The following ANKRD23 variants were observed in gnomAD, a reference collection of about 807,000 sequenced individuals.
ANKRD23 encodes the protein ankyrin repeat domain 23, also known as ankyrin repeat domain-containing protein 23.
A neutral mutation model predicts 38.1 loss-of-function variants in ANKRD23; 52 were observed. The observed-to-expected ratio is 1.36, with a 90% CI of 1.09 to 1.72. ANKRD23 has a LOEUF of 1.72. Ranked by LOEUF, ANKRD23 falls within the 40% of genes most tolerant of loss-of-function variation. The pLI is 0.00. For missense variants in ANKRD23, 416 were observed against 400.2 expected (o/e 1.04, Z -0.34); for synonymous variants, 167 against 162.9 (o/e 1.03, Z -0.19).
intron 4 of ANKRD23, 76 bp from the exon 5 acceptor site, chr2:96,840,590 G>C (rs1480072906): frequency 2.6e-5 from 40 of 1,552,956 alleles, no homozygotes; most frequent in Non-Finnish European, 3.2e-5. Flanking sequence ...CCTTCCCAGG[G>C]CCAGGTCCCT....
intron 3 of ANKRD23, among the ~76,000 whole-genome samples, chr2:96,841,492 G>A (rs1281700975): frequency 2.0e-5 from 3 of 151,490 alleles, no homozygotes; most frequent in East Asian, 1.9e-4. Context: ...CCAGCTACTC[G>A]GGAGGCTGAG....
chr2:96,840,573 G>T, intron 4 of ANKRD23, 59 bp from the exon 5 acceptor site: 1 of 1,580,902 alleles, frequency 6.3e-7, no homozygotes, highest in East Asian at 2.3e-5. Context: ...GAGACCCCAC[G>T]CGGTCCCCTT....
In ANKRD23 at chr2:96,841,917, G is replaced by A. The variant is rs988488017; in HGVS notation, c.300+143C>T. 64 of 1,216,508 alleles carry A rather than the reference G, an allele frequency of 5.3e-5. No homozygotes were observed. The East Asian group carries it at 6.1e-4, about 12-fold the overall frequency. 75.4% of individuals were successfully genotyped at this position (1,216,508 alleles called of 1,614,324 possible). A position where few individuals can be genotyped will look rare whatever the true frequency, so the allele number is the denominator to read the frequency against. On this transcript the variant is annotated intron_variant, in intron 3 of 8. Transcript: ENST00000318357. ...TATGGCAGCCCTGGCGGACACATCC[G>A]CGGGGGCTCTGGAGTGGATTTAATG...
chr2:96,839,956 T>C (rs548106108), intron 7 of ANKRD23, 41 bp downstream of exon 7: 116 of 1,550,652 alleles, frequency 7.5e-5, no homozygotes, highest in Non-Finnish European at 9.3e-5. Context: ...CCTGCTCCTC[T>C]GGAGCTGTCC....
rs2079737060 is a variant in ANKRD23, at chr2:96,839,777, C to T, written c.772G>A (p.Ala258Thr). Residue 258 changes from alanine to threonine, a missense_variant, in exon 8 of 9, where the codon GCC becomes ACC. Coordinates refer to ENST00000318357, the MANE Select transcript of ANKRD23 (RefSeq NM_144994.8). ...CCATAGAGCAGCAGTAGCTTCATGG[C>T]TTTGTAGCTGCCGTGCCGCACGGCC... ...HEAVRHGSYK[A>T]MKLLLLYGAE... is the part of the protein sequence containing the mutation. 1 of 1,613,378 alleles carries T rather than the reference C, an allele frequency of 6.2e-7. No individual in the cohort carries two copies. The highest frequency in any genetic ancestry group is 1.3e-5 in the African/African-American group (1 of 74,936).
chr2:96,840,573 G>C, intron 4 of ANKRD23, 59 bp from the exon 5 acceptor site: 1 of 1,580,902 alleles, frequency 6.3e-7, no homozygotes, highest in Non-Finnish European at 8.7e-7. Flanking sequence ...GAGACCCCAC[G>C]CGGTCCCCTT....
At chr2:96,842,336 C>G in intron 2 of ANKRD23, 29 bp downstream of exon 2, 1 of 1,599,396 alleles carries the variant, frequency 6.3e-7, no homozygotes, top group African/African-American at 1.4e-5. Context: ...AGCCACTGCC[C>G]CCAACCCCGG....
intron 8 of ANKRD23, 38 bp downstream of exon 8, chr2:96,839,689 G>A (rs772606680): frequency 1.3e-6 from 2 of 1,595,940 alleles, no homozygotes; most frequent in South Asian, 1.1e-5. Flanking sequence ...CGCTCCACCC[G>A]CCCTCGGGTC....
chr2:96,838,513 C>T lies in ANKRD23; in HGVS notation c.*1036G>A. 2.0e-6 allele frequency: 2 copies of T among 985,998 alleles called. No individual in the cohort carries two copies. Among genetic ancestry groups the T allele is most frequent in the Non-Finnish European group, 2.4e-6 (2 of 830,222 alleles). 61.1% of individuals were successfully genotyped at this position (985,998 alleles called of 1,614,324 possible). On this transcript the variant is annotated 3_prime_UTR_variant, in exon 9 of 9. Transcript: ENST00000318357. ...CGGGGGCTCACCTTCCTCTGCTTCCCTGTGGGCTGGGTTCAGAGCTCCTCA... is the reference window on the plus strand; with the variant it reads ...CGGGGGCTCACCTTCCTCTGCTTCCTTGTGGGCTGGGTTCAGAGCTCCTCA...
chr2:96,840,346 AC>A lies in ANKRD23; in HGVS notation c.526-17del, dbSNP rs750012079. The A allele has an allele frequency of 1.4e-5, 22 of 1,606,388 alleles. 1 individual carries two copies. The South Asian group carries it at 2.3e-4, about 17-fold the overall frequency. On this transcript the variant is annotated splice_polypyrimidine_tract_variant and intron_variant, in intron 5 of 8. Transcript: ENST00000318357. Reference sequence around the variant, plus strand: ...TCCTGTCCAGCTGCAAAACAAAAGCACCCAAGCACTCAGCTGCTGGGATGTG... The same window carrying A: ...TCCTGTCCAGCTGCAAAACAAAAGCACCAAGCACTCAGCTGCTGGGATGTG...
rs1358635484 is a variant in ANKRD23 at position 96,838,827 on chromosome 2, T to C, written c.*722A>G. 3 of 985,400 alleles carry C rather than the reference T, an allele frequency of 3.0e-6. No individual in the cohort carries two copies. Among genetic ancestry groups the C allele is most frequent in the Admixed American group, 1.2e-4 (2 of 16,270 alleles). The allele number at this position is 985,400 out of a possible 1,614,324, so 61.0% of individuals were successfully genotyped here. On this transcript the variant is annotated 3_prime_UTR_variant, in exon 9 of 9. Transcript: ENST00000318357. ...AATGCGCGCTCCAGCTCATCAGTCTTAGGGCTTCTGAGGCAACCTAGTGGG... is the reference window on the plus strand; with the variant it reads ...AATGCGCGCTCCAGCTCATCAGTCTCAGGGCTTCTGAGGCAACCTAGTGGG...
At position 96,842,377 on chromosome 2, in the gene ANKRD23, C is replaced by T. The variant is rs201015005; in HGVS notation, c.162G>A (p.Glu54=). Reference sequence around the variant, plus strand: ...GCCCCTCTCTCACTTTCTTCTTCTTCTCTTCTTCCAATTTCAGCTTCTCCC... The same window carrying T: ...GCCCCTCTCTCACTTTCTTCTTCTTTTCTTCTTCCAATTTCAGCTTCTCCC... The part of the protein sequence containing the change: ...VAREKLKLEE[E]KKKKLERFNS... Residue 54 remains glutamate, a synonymous_variant, in exon 2 of 9, where the codon GAG becomes GAA. Transcript: ENST00000318357. The T allele has an allele frequency of 7.6e-6, 10 of 1,312,152 alleles. No individual in the cohort carries two copies. In the South Asian group the frequency reaches 8.2e-5, roughly 11 times the overall value. 81.3% of individuals were successfully genotyped at this position (1,312,152 alleles called of 1,614,324 possible).
intron 6 of ANKRD23, 27 bp downstream of exon 6, chr2:96,840,205 A>G (rs1198864257): frequency 6.3e-7 from 1 of 1,599,648 alleles, no homozygotes; most frequent in Non-Finnish European, 8.5e-7. Context: ...TGTTCCCGAC[A>G]GGCCCCCAAA....
chr2:96,840,357 C>G (rs762652961), intron 5 of ANKRD23, 27 bp from the exon 6 acceptor site: 4 of 1,608,162 alleles, frequency 2.5e-6, no homozygotes, highest in South Asian at 2.2e-5. Flanking sequence ...CCCAAGCACT[C>G]AGCTGCTGGG....
In ANKRD23 at chr2:96,840,574, C is replaced by A; in HGVS notation, c.427-60G>T. 8 of 1,576,342 alleles carry A rather than the reference C, an allele frequency of 5.1e-6. No individual in the cohort carries two copies. The South Asian group carries it at 7.8e-5, about 15-fold the overall frequency. ...TGCAGCCACCCCTAGAGACCCCACGCGGTCCCCTTCCCAGGGCCAGGTCCC... is the reference window on the plus strand; with the variant it reads ...TGCAGCCACCCCTAGAGACCCCACGAGGTCCCCTTCCCAGGGCCAGGTCCC... On this transcript the variant is annotated intron_variant, in intron 4 of 8. Coordinates refer to ENST00000318357, the MANE Select transcript of ANKRD23 (RefSeq NM_144994.8).
Position 96,838,571 on chromosome 2 carries a change from G to C in ANKRD23, c.*978C>G. ...GGCCTCCCAGGTGGGATCAAGCAGG[G>C]TGGGTGCAGCTGCAGCGTTCCAGGC... On this transcript the variant is annotated 3_prime_UTR_variant, in exon 9 of 9. Coordinates refer to ENST00000318357, the MANE Select transcript of ANKRD23 (RefSeq NM_144994.8). 1 of 985,866 alleles carries C rather than the reference G, an allele frequency of 1.0e-6. No homozygotes were observed. Among genetic ancestry groups the C allele is most frequent in the Middle Eastern group, 5.2e-4 (1 of 1,920 alleles). The allele number at this position is 985,866 out of a possible 1,614,324, so 61.1% of individuals were successfully genotyped here. A position where few individuals can be genotyped will look rare whatever the true frequency, so the allele number is the denominator to read the frequency against.
intron 4 of ANKRD23, 52 bp from the exon 5 acceptor site, chr2:96,840,566 A>AC (rs1223346334): frequency 6.3e-7 from 1 of 1,590,530 alleles, no homozygotes; most frequent in Non-Finnish European, 8.6e-7. Flanking sequence ...ACCCCTAGAG[A>AC]CCCCACGCGG....
In ANKRD23 at chr2:96,839,655, C is replaced by A; in HGVS notation, c.823-11G>T. On this transcript the variant is annotated splice_polypyrimidine_tract_variant and intron_variant, in intron 8 of 8. Coordinates refer to ENST00000318357, the MANE Select transcript of ANKRD23 (RefSeq NM_144994.8). ...CGGGGTCACGGAGGCCTGGGAGCAA[C>A]GGTGTGGGTCAGTCCCTTGCAGGCG... 6.5e-7 allele frequency: 1 copy of A among 1,538,718 alleles called. No individual in the cohort carries two copies.
Position 96,840,779 on chromosome 2 carries a change from T to C in ANKRD23, c.426+8A>G. Reference sequence around the variant, plus strand: ...CTGCTGCCAGCCGACTCACCCAACCTGTGCTACCTTGTCATGGGCATTGGG... The same window carrying C: ...CTGCTGCCAGCCGACTCACCCAACCCGTGCTACCTTGTCATGGGCATTGGG... On this transcript the variant is annotated splice_region_variant and intron_variant, in intron 4 of 8. Transcript: ENST00000318357. 1.2e-6 allele frequency: 2 copies of C among 1,614,100 alleles called. No homozygotes were observed. Among genetic ancestry groups the C allele is most frequent in the East Asian group, 2.2e-5 (1 of 44,882 alleles).
Sources: allele counts gnomAD v4.1 joint callset (sites outside exome capture counted in the v4.1 genomes callset), GRCh38; gene constraint gnomAD v4.1.1; transcripts MANE v1.5; gene names NCBI Gene and HGNC (gene_info 2026-07-23, HGNC 2026-07-21).